Variants in IL1RAPL1 observed in about 807,000 individuals in gnomAD.
IL1RAPL1 encodes interleukin 1 receptor accessory protein like 1, also known as interleukin-1 receptor accessory protein-like 1.
IL1RAPL1 carries 3 observed loss-of-function variants against 48.4 expected under a neutral mutation model. The observed-to-expected ratio is 0.06, with a 90% CI of 0.03 to 0.16. The LOEUF (loss-of-function observed/expected upper bound fraction) is 0.16. Among genes scored for constraint, IL1RAPL1 ranks in the 10% least tolerant of loss-of-function variants. The probability of loss-of-function intolerance (pLI) is 1.00; values close to 1 mark genes in which losing one functional copy is unlikely to be tolerated. For synonymous variants in IL1RAPL1, 185 were observed against 187.7 expected (o/e 0.99, Z 0.12); for missense variants, 349 against 530.6 (o/e 0.66, Z 3.36).
chrX:29,133,554 C>T (rs1336817103), intron 2 of IL1RAPL1, among the ~76,000 whole-genome samples: 2 of 111,478 alleles, frequency 1.8e-5, no homozygotes, highest in East Asian at 5.6e-4. Flanking sequence ...AAAATTGCAC[C>T]AAAAGTACAG....
At chrX:29,034,883 C>T (rs1926697671) in intron 2 of IL1RAPL1, among the ~76,000 whole-genome samples, 1 of 105,565 alleles carries the variant, frequency 9.5e-6, no homozygotes, top group Non-Finnish European at 1.9e-5. Context: ...GAGACAGAGT[C>T]TTGCTCTGTC....
chrX:29,141,787 A>G (rs913862283), intron 2 of IL1RAPL1, among the ~76,000 whole-genome samples: 1 of 111,666 alleles, frequency 9.0e-6, no homozygotes. Context: ...TAAGTTGCAA[A>G]CAGTACACCT....
rs1432816397 is a variant in IL1RAPL1 at position 29,209,409 on chromosome X, TTTA to T, written c.83-73523_83-73521del. Among the ~76,000 whole-genome samples, 3 of 112,146 alleles carry T rather than the reference TTTA, an allele frequency of 2.7e-5. No homozygotes were observed. In the Admixed American group the frequency reaches 2.9e-4, roughly 11 times the overall value. On this transcript the variant is annotated intron_variant, in intron 2 of 10. Transcript: ENST00000378993. ...TTTTCATCTTGTTTTCTCACTAAGG[TTTA>T]TTATTTGTTAGGATCCTTCCACATT... is the stretch of plus-strand genomic sequence containing the variant.
chrX:28,765,579 A>G (rs759308482), intron 1 of IL1RAPL1, among the ~76,000 whole-genome samples: 127 of 111,622 alleles, frequency 1.1e-3, no homozygotes, highest in Non-Finnish European at 2.0e-3. Context: ...GCTAATGGTG[A>G]CAATACTTTT....
At chrX:29,139,250 G>A (rs1929196237) in intron 2 of IL1RAPL1, among the ~76,000 whole-genome samples, 1 of 111,196 alleles carries the variant, frequency 9.0e-6, no homozygotes, top group Non-Finnish European at 1.9e-5. Flanking sequence ...AAAAATTTAT[G>A]GAGCATGATG....
chrX:29,231,476 C>A (rs1220939620), intron 2 of IL1RAPL1, among the ~76,000 whole-genome samples: 2 of 111,979 alleles, frequency 1.8e-5, no homozygotes, highest in African/African-American at 6.5e-5. Context: ...CTTGTGGTGT[C>A]TGTTGGTTGT....
At chrX:29,333,307 G>C (rs1366008626) in intron 3 of IL1RAPL1, among the ~76,000 whole-genome samples, 4 of 108,925 alleles carry the variant, frequency 3.7e-5, no homozygotes, top group Non-Finnish European at 7.7e-5. Context: ...TCCCGGACGG[G>C]GCGGTTGGCC....
At chrX:28,644,786 G>A (rs934015949) in intron 1 of IL1RAPL1, among the ~76,000 whole-genome samples, 3 of 111,679 alleles carry the variant, frequency 2.7e-5, no homozygotes, top group Non-Finnish European at 5.6e-5. Context: ...CAATGAGGTC[G>A]CTGCCCTGTA....
chrX:29,918,341 A>C (rs941686594), intron 7 of IL1RAPL1, among the ~76,000 whole-genome samples: 5 of 96,829 alleles, frequency 5.2e-5, no homozygotes, highest in African/African-American at 1.9e-4. Context: ...CCCCGTCTCT[A>C]CTGAAAATAC....
intron 8 of IL1RAPL1, among the ~76,000 whole-genome samples, chrX:29,931,164 GA>G (rs202008355): frequency 0.014 from 1,516 of 110,497 alleles, 35 homozygotes; most frequent in African/African-American, 0.047. Flanking sequence ...TGTTAATGGG[GA>G]GGGGGGATTT....
At chrX:29,719,501 G>A (rs1173316552) in intron 6 of IL1RAPL1, among the ~76,000 whole-genome samples, 6 of 110,567 alleles carry the variant, frequency 5.4e-5, no homozygotes. Flanking sequence ...AGTTCTATTG[G>A]CCCCGCTAAA....
intron 6 of IL1RAPL1, among the ~76,000 whole-genome samples, chrX:29,804,645 G>A (rs1930208678): frequency 8.9e-6 from 1 of 112,148 alleles, no homozygotes; most frequent in African/African-American, 3.2e-5. Flanking sequence ...CAGCCATGTG[G>A]AAGTGTGAGT....
chrX:29,373,867 A>ATTTTTT (rs59750110), intron 3 of IL1RAPL1, among the ~76,000 whole-genome samples: 2,607 of 21,470 alleles, frequency 0.12, 742 homozygotes, highest in Non-Finnish European at 0.18. Flanking sequence ...TCTCTTTTTA[A>ATTTTTT]TTTTTTTTTT....
At chrX:29,329,995 G>C (rs1295406188) in intron 3 of IL1RAPL1, among the ~76,000 whole-genome samples, 2 of 110,778 alleles carry the variant, frequency 1.8e-5, no homozygotes, top group African/African-American at 6.6e-5. Flanking sequence ...TGCTGCTGGT[G>C]GTGGTGGAGG....
intron 5 of IL1RAPL1, among the ~76,000 whole-genome samples, chrX:29,466,621 A>G (rs1278861538): frequency 2.7e-5 from 3 of 112,354 alleles, no homozygotes; most frequent in Non-Finnish European, 5.6e-5. Flanking sequence ...TTAGTGCTGA[A>G]GTTCTGATCA....
Position 29,246,411 on chromosome X carries a change from C to T in IL1RAPL1, c.83-36527C>T, listed in dbSNP as rs1233193362. 6.4e-5 allele frequency among the ~76,000 whole-genome samples: 7 copies of T among 110,112 alleles called. No individual in the cohort carries two copies. The Admixed American group carries it at 6.8e-4, about 11-fold the overall frequency. ...CACCCCTGATAGCTGATCTACCTCTCATCATCCTTCTAGTCATGACTTCAA... is the reference window on the plus strand; with the variant it reads ...CACCCCTGATAGCTGATCTACCTCTTATCATCCTTCTAGTCATGACTTCAA... On this transcript the variant is annotated intron_variant, in intron 2 of 10. Coordinates refer to ENST00000378993, the MANE Select transcript of IL1RAPL1 (RefSeq NM_014271.4).
In IL1RAPL1 at chrX:28,762,815, CACACACACAGAGAGAGAGAGAGAGAGAG is replaced by C. The variant is rs1387091791; in HGVS notation, c.-24-26503_-24-26476del. On this transcript the variant is annotated intron_variant, in intron 1 of 10. Coordinates refer to ENST00000378993, the MANE Select transcript of IL1RAPL1 (RefSeq NM_014271.4). ...ACACACACACACACACACACACACACACACACACAGAGAGAGAGAGAGAGAGAGAGAGAGAGAAGCTTGTTTCACGTAA... is the reference window on the plus strand; with the variant it reads ...ACACACACACACACACACACACACACAGAGAGAGAAGCTTGTTTCACGTAA... 9.8e-3 allele frequency among the ~76,000 whole-genome samples: 518 copies of C among 52,645 alleles called. 4 individuals carry two copies. The highest frequency in any genetic ancestry group is 0.039 in the Middle Eastern group (3 of 77). The allele number at this position is 52,645 out of a possible 115,157, so 45.7% of individuals were successfully genotyped here.
chrX:29,922,992 G>C (rs1601885414), intron 8 of IL1RAPL1, among the ~76,000 whole-genome samples: 1 of 111,747 alleles, frequency 8.9e-6, no homozygotes, highest in African/African-American at 3.2e-5. Context: ...AAACCTTCCA[G>C]GACATTCCTT....
At chrX:28,887,854 A>C (rs1601945347) in intron 2 of IL1RAPL1, among the ~76,000 whole-genome samples, 2 of 111,125 alleles carry the variant, frequency 1.8e-5, no homozygotes, top group South Asian at 7.5e-4. Flanking sequence ...GTTAAAAAAA[A>C]CCCCTAAGTT....
Sources: allele counts gnomAD v4.1 joint callset (sites outside exome capture counted in the v4.1 genomes callset), GRCh38; gene constraint gnomAD v4.1.1; transcripts MANE v1.5; gene names NCBI Gene and HGNC (gene_info 2026-07-23, HGNC 2026-07-21).